Variants in DVL1 observed in about 807,000 individuals in gnomAD.
The protein encoded by DVL1 is segment polarity protein dishevelled homolog DVL-1.
A neutral mutation model predicts 65.0 loss-of-function variants in DVL1; 49 were observed. That is an observed-to-expected ratio of 0.75 (90% CI 0.60 to 0.96). The LOEUF is 0.96. Ranked by LOEUF, DVL1 falls within the 40% of genes least tolerant of loss-of-function variation. The pLI is 0.00. For missense variants in DVL1, 1,197 were observed against 1,045.4 expected (o/e 1.15, Z -2.00); for synonymous variants, 608 against 433.9 (o/e 1.40, Z -4.99).
chr1:1,346,130 A>G (rs1643911608), intron 1 of DVL1, among the ~76,000 whole-genome samples: 1 of 152,104 alleles, frequency 6.6e-6, no homozygotes, highest in Non-Finnish European at 1.5e-5. Context: ...GGGAGGGCGG[A>G]GTGGGAACTC....
In DVL1 at chr1:1,336,522, G is replaced by T. The variant is rs988595463; in HGVS notation, c.1715-7C>A. ...GACCCACTGCTTTTGCTCCCTGGGA[G>T]TGAGAACAGGATGGGGAAGGAGCCT... On this transcript the variant is annotated splice_region_variant and splice_polypyrimidine_tract_variant and intron_variant, in intron 14 of 14. Coordinates refer to ENST00000378888, the MANE Select transcript of DVL1 (RefSeq NM_001330311.2). 1 of 1,505,336 alleles carries T rather than the reference G, an allele frequency of 6.6e-7. No homozygotes were observed. The highest frequency in any genetic ancestry group is 8.8e-7 in the Non-Finnish European group (1 of 1,135,936). The allele number at this position is 1,505,336 out of a possible 1,614,324, so 93.2% of individuals were successfully genotyped here.
chr1:1,349,083 G>A lies in DVL1; in HGVS notation c.-18C>T, dbSNP rs1312730002. 3.5e-6 allele frequency: 5 copies of A among 1,437,652 alleles called. No individual in the cohort carries two copies. The highest frequency in any genetic ancestry group is 1.2e-5 in the South Asian group (1 of 82,678). 89.1% of individuals were successfully genotyped at this position (1,437,652 alleles called of 1,614,324 possible). On this transcript the variant is annotated 5_prime_UTR_variant, in exon 1 of 15. Coordinates refer to ENST00000378888, the MANE Select transcript of DVL1 (RefSeq NM_001330311.2). This position sits in a 1 kb window ranked among gnomAD's most constrained non-coding sequence, Gnocchi z 4.1. ...TCCGCCATGGCGCGGCGGCGGCGCG[G>A]AGCCCGCGCGCTCAGGGCCCGGCCC...
intron 1 of DVL1, among the ~76,000 whole-genome samples, chr1:1,346,482 C>T (rs1180917871): frequency 6.6e-6 from 1 of 152,202 alleles, no homozygotes; most frequent in Non-Finnish European, 1.5e-5. Flanking sequence ...AACCACCAAA[C>T]CCAGCACCAG....
chr1:1,336,893 C>A, intron 14 of DVL1: 1 of 731,098 alleles, frequency 1.4e-6, no homozygotes, highest in Non-Finnish European at 1.7e-6. Flanking sequence ...GTCCCCCCGG[C>A]CCAGGACCCT....
At chr1:1,338,233 C>CCCCCCCCCCCCCG in intron 13 of DVL1, 36 bp downstream of exon 13, 3 of 1,518,912 alleles carry the variant, frequency 2.0e-6, no homozygotes, top group Non-Finnish European at 2.7e-6. Flanking sequence ...CGGCGTTCCC[C>CCCCCCCCCCCCCG]TCCCCCCCGC....
rs572226696 is a variant in DVL1, at chr1:1,348,999, C to A, written c.67G>T (p.Val23Leu). 1.1e-5 allele frequency: 17 copies of A among 1,576,828 alleles called. No individual in the cohort carries two copies. In the African/African-American group the frequency reaches 1.9e-4, roughly 18 times the overall value. ...GCCAGCGTGACGCGCTCGGGGGCCA[C>A]GGGCAGCTTGACCAGGTACGGCGTC... Reference protein sequence around the residue: ...EETPYLVKLPVAPERVTLADF... With the variant: ...EETPYLVKLPLAPERVTLADF... Residue 23 changes from valine (V) to leucine (L), a missense_variant, in exon 1 of 15, where the codon GTG becomes TTG. Coordinates refer to ENST00000378888, the MANE Select transcript of DVL1 (RefSeq NM_001330311.2).
chr1:1,337,639 C>G, intron 14 of DVL1: 1 of 474,000 alleles, frequency 2.1e-6, no homozygotes, highest in South Asian at 2.0e-5. Flanking sequence ...CCGCCCAGGC[C>G]GCCAGGCTCC....
At chr1:1,337,826 G>T (rs1330554419) in intron 14 of DVL1, 151 bp downstream of exon 14, 1 of 741,700 alleles carries the variant, frequency 1.3e-6, no homozygotes, top group South Asian at 1.5e-5. Flanking sequence ...ATTGGGGTCA[G>T]CAGAGAAGCA....
intron 1 of DVL1, 49 bp downstream of exon 1, chr1:1,348,847 C>A (rs771369681): frequency 1.3e-5 from 18 of 1,439,020 alleles, no homozygotes; most frequent in Non-Finnish European, 1.5e-5. Flanking sequence ...CGGGCAGGTG[C>A]GACCCCCGAG....
chr1:1,342,875 CCT>C (rs1361916941), intron 1 of DVL1, 117 bp from the exon 2 acceptor site: 1 of 936,854 alleles, frequency 1.1e-6, no homozygotes, highest in African/African-American at 1.6e-5. Context: ...TGTGGACACC[CCT>C]GCTAGCGCAT....
intron 1 of DVL1, among the ~76,000 whole-genome samples, chr1:1,345,738 C>G (rs921314820): frequency 6.6e-6 from 1 of 152,192 alleles, no homozygotes. Context: ...CTAGACGTGG[C>G]GTGGTCCCGA....
At chr1:1,344,389 G>A (rs1022767404) in intron 1 of DVL1, among the ~76,000 whole-genome samples, 3 of 152,178 alleles carry the variant, frequency 2.0e-5, no homozygotes, top group African/African-American at 7.2e-5. Context: ...GCCAGACTCC[G>A]AAGCAGTAGG....
rs757989455 is a variant in DVL1, at chr1:1,336,474, G to A, written c.1756C>T (p.Pro586Ser). ...GCCCGACGCTCCTTCTCACGGCCCG[G>A]GGCCCGGCGGCTGCTCCGGGTGGAC... The part of the protein sequence containing the change: ...SGSTRSSRRA[P>S]GREKERRAAG... Residue 586 changes from proline to serine, a missense_variant, in exon 15 of 15, where the codon CCG (proline) becomes TCG (serine). Physicochemically the swap from Pro to Ser is moderately conservative, Grantham distance 74. Transcript: ENST00000378888. The A allele has an allele frequency of 1.3e-6, 2 of 1,551,482 alleles. No homozygotes were observed. The highest frequency in any genetic ancestry group is 1.9e-5 in the Admixed American group (1 of 52,338).
At chr1:1,338,761 G>C (rs1569690813) in intron 11 of DVL1, 108 bp from the exon 12 acceptor site, 1 of 1,467,158 alleles carries the variant, frequency 6.8e-7, no homozygotes, top group South Asian at 1.4e-5. Flanking sequence ...CAGGGCGCAA[G>C]CTGGACGGTG....
In DVL1 at chr1:1,336,445, C is replaced by A; in HGVS notation, c.1785G>T (p.Ala595=). 1.3e-6 allele frequency: 2 copies of A among 1,574,158 alleles called. No individual in the cohort carries two copies. The highest frequency in any genetic ancestry group is 8.6e-7 in the Non-Finnish European group (1 of 1,167,782). The part of the protein sequence containing the change: ...APGREKERRA[A]GAGGSGSESD... ...ATTCACTGCCACTGCCCCCAGCTCC[C>A]GCCGCCCGACGCTCCTTCTCACGGC... Residue 595 remains alanine (A), a synonymous_variant, in exon 15 of 15, where the codon GCG becomes GCT. Coordinates refer to ENST00000378888, the MANE Select transcript of DVL1 (RefSeq NM_001330311.2).
At chr1:1,338,710 G>A in intron 11 of DVL1, 57 bp from the exon 12 acceptor site, 1 of 1,573,756 alleles carries the variant, frequency 6.4e-7, no homozygotes. Context: ...GGGGACTCAG[G>A]GCCCTGCACC....
At chr1:1,343,993 G>C (rs1557672422) in intron 1 of DVL1, among the ~76,000 whole-genome samples, 1 of 152,162 alleles carries the variant, frequency 6.6e-6, no homozygotes, top group Non-Finnish European at 1.5e-5. Flanking sequence ...CACGAACCAG[G>C]AGGAGGCCGG....
chr1:1,341,288 CCT>C (rs1245515944), intron 5 of DVL1, among the ~76,000 whole-genome samples: 2 of 151,612 alleles, frequency 1.3e-5, no homozygotes, highest in Admixed American at 6.6e-5. Flanking sequence ...TGAAAACGCA[CCT>C]CACACACACA....
chr1:1,339,977 C>G (rs1033969907), intron 8 of DVL1, 61 bp downstream of exon 8: 1 of 1,577,652 alleles, frequency 6.3e-7, no homozygotes, highest in African/African-American at 1.3e-5. Context: ...CGCACGTCAC[C>G]CCAAAGTCCC....
Sources: gnomAD v4.1 joint callset for allele counts (sites outside exome capture counted in the v4.1 genomes callset) on GRCh38, gnomAD v4.1.1 for gene constraint, Gnocchi (gnomAD v3.1) non-coding constraint, MANE v1.5 for transcripts, NCBI Gene and HGNC (gene_info 2026-07-23, HGNC 2026-07-21) for gene names.